Variants in PAXIP1 observed in about 807,000 individuals in gnomAD.
The protein encoded by PAXIP1 is PAX-interacting protein 1.
A neutral mutation model predicts 140.6 loss-of-function variants in PAXIP1; 19 were observed. The observed-to-expected ratio is 0.14, with a 90% CI of 0.09 to 0.20. The LOEUF is 0.20. PAXIP1 is among the 10% of genes least tolerant of loss of function. The probability of loss-of-function intolerance (pLI) is 1.00; values close to 1 mark genes in which losing one functional copy is unlikely to be tolerated. For missense variants in PAXIP1, 920 were observed against 1,208.6 expected (o/e 0.76, Z 3.54); for synonymous variants, 442 against 444.6 (o/e 0.99, Z 0.07).
At chr7:154,970,370 G>A (rs984137625) in intron 6 of PAXIP1, among the ~76,000 whole-genome samples, 3 of 152,144 alleles carry the variant, frequency 2.0e-5, no homozygotes, top group Non-Finnish European at 4.4e-5. Context: ...ACCTGCAAGG[G>A]TAACAGATTT....
intron 20 of PAXIP1, chr7:154,945,608 C>A (rs1453413196): frequency 1.0e-6 from 1 of 961,566 alleles, no homozygotes; most frequent in African/African-American, 1.9e-5. Context: ...AGGCTCCCAC[C>A]CTCACAGAGA....
intron 4 of PAXIP1, among the ~76,000 whole-genome samples, chr7:154,984,573 G>T (rs892850562): frequency 2.0e-5 from 3 of 152,082 alleles, no homozygotes; most frequent in Non-Finnish European, 4.4e-5. Context: ...ATATTAACAA[G>T]AACATGTTAG....
At chr7:154,969,234 T>A in intron 6 of PAXIP1, 108 bp from the exon 7 acceptor site, 1 of 1,169,962 alleles carries the variant, frequency 8.5e-7, no homozygotes, top group Non-Finnish European at 1.1e-6. Context: ...AATATTCAAC[T>A]AAGTAGACAC....
At chr7:154,997,415 G>T (rs1585089906) in intron 2 of PAXIP1, among the ~76,000 whole-genome samples, 1 of 152,196 alleles carries the variant, frequency 6.6e-6, no homozygotes, top group South Asian at 2.1e-4. Flanking sequence ...ACTGCACCAG[G>T]CTGGCAATCT....
chr7:155,002,842 G>A lies in PAXIP1; in HGVS notation c.81+7C>T, dbSNP rs1407279220. ...GGAGGAGGCCGCGGCAGGGGCGGGC[G>A]CGGTACCTGCGGGTCGATGTCGCCC... On this transcript the variant is annotated splice_region_variant and intron_variant, in intron 1 of 20. Transcript: ENST00000404141. 2 of 1,366,924 alleles carry A rather than the reference G, an allele frequency of 1.5e-6. No homozygotes were observed. The highest frequency in any genetic ancestry group is 2.4e-5 in the Admixed American group (1 of 41,684). The allele number at this position is 1,366,924 out of a possible 1,614,324, so 84.7% of individuals were successfully genotyped here. A position where few individuals can be genotyped will look rare whatever the true frequency, so the allele number is the denominator to read the frequency against.
intron 8 of PAXIP1, chr7:154,964,668 A>G (rs541723740): frequency 1.3e-5 from 2 of 152,350 alleles, no homozygotes; most frequent in African/African-American, 2.4e-5. Context: ...TTACATAACC[A>G]TCTACCTCCT....
intron 4 of PAXIP1, among the ~76,000 whole-genome samples, chr7:154,989,444 A>G (rs900608192): frequency 6.6e-6 from 1 of 152,214 alleles, no homozygotes; most frequent in Non-Finnish European, 1.5e-5. Context: ...AGATGACTAA[A>G]TACTTTTTCA....
intron 5 of PAXIP1, among the ~76,000 whole-genome samples, chr7:154,977,832 A>C (rs1406494546): frequency 6.6e-6 from 1 of 152,210 alleles, no homozygotes; most frequent in Non-Finnish European, 1.5e-5. Flanking sequence ...TTTTCACTTA[A>C]TATATTGTGA....
chr7:154,978,762 T>A (rs1809715309), intron 5 of PAXIP1, among the ~76,000 whole-genome samples: 2 of 152,058 alleles, frequency 1.3e-5, no homozygotes, highest in Admixed American at 6.5e-5. Flanking sequence ...AATAGTAAAA[T>A]ATGAAAAAAA....
At position 154,969,090 on chromosome 7, in the gene PAXIP1, C is replaced by A. The variant is rs866326764; in HGVS notation, c.1111G>T (p.Glu371Ter). 6.7e-7 allele frequency: 1 copy of A among 1,489,832 alleles called. No homozygotes were observed. The highest frequency in any genetic ancestry group is 9.0e-7 in the Non-Finnish European group (1 of 1,114,850). 92.3% of individuals were successfully genotyped at this position (1,489,832 alleles called of 1,614,324 possible). A position where few individuals can be genotyped will look rare whatever the true frequency, so the allele number is the denominator to read the frequency against. ...QTLSAPTKNL[E>*]QQVNHSQQGH... ...TGCTGGCTGTGATTCACCTGCTGTTCTAAATTTTTCGTAGGTGCTGAAAGA... is the reference window on the plus strand; with the variant it reads ...TGCTGGCTGTGATTCACCTGCTGTTATAAATTTTTCGTAGGTGCTGAAAGA... Residue 371 changes from glutamate (E) to a stop codon, truncating the protein, a stop_gained, in exon 7 of 21, where the codon GAA (glutamate) becomes TAA (stop). Transcript: ENST00000404141. LOFTEE classifies it high-confidence loss of function.
At chr7:154,985,103 T>C (rs1810011863) in intron 4 of PAXIP1, among the ~76,000 whole-genome samples, 1 of 152,226 alleles carries the variant, frequency 6.6e-6, no homozygotes, top group African/African-American at 2.4e-5. Flanking sequence ...ACCAGCTCAT[T>C]TAATGAATCT....
rs183179893 is a variant in PAXIP1, at chr7:154,960,030, G to A, written c.2435-97C>T. On this transcript the variant is annotated intron_variant, in intron 12 of 20. Coordinates refer to ENST00000404141, the MANE Select transcript of PAXIP1 (RefSeq NM_007349.4). ...TTCCCTGATAATCCTCACCAGACAGGTGGTTTAGCTGACAACACTTAATAA... is the reference window on the plus strand; with the variant it reads ...TTCCCTGATAATCCTCACCAGACAGATGGTTTAGCTGACAACACTTAATAA... 14 of 785,784 alleles carry A rather than the reference G, an allele frequency of 1.8e-5. No homozygotes were observed. In the Middle Eastern group the frequency reaches 7.3e-4, roughly 41 times the overall value. 48.7% of individuals were successfully genotyped at this position (785,784 alleles called of 1,614,324 possible).
At chr7:154,976,655 A>T (rs992947555) in intron 5 of PAXIP1, among the ~76,000 whole-genome samples, 1 of 152,224 alleles carries the variant, frequency 6.6e-6, no homozygotes, top group African/African-American at 2.4e-5. Context: ...TTATGAAATG[A>T]ATAATTGCTA....
In PAXIP1 at chr7:154,946,370, A is replaced by G. The variant is rs1333886985; in HGVS notation, c.3189T>C (p.Tyr1063=). ...TTCTCTTTTGGAAAGGATATGATTCATAGTCCAGCGTTTGAGTGAGCACTC... is the reference window on the plus strand; with the variant it reads ...TTCTCTTTTGGAAAGGATATGATTCGTAGTCCAGCGTTTGAGTGAGCACTC... The part of the protein sequence containing the change: ...LTGVLTQTLD[Y]ESYKFN Residue 1063 remains tyrosine, a synonymous_variant, in exon 20 of 21, where the codon TAT becomes TAC. Coordinates refer to ENST00000404141, the MANE Select transcript of PAXIP1 (RefSeq NM_007349.4). This position sits in a 1 kb window ranked among gnomAD's most constrained non-coding sequence, Gnocchi z 4.9. The G allele has an allele frequency of 1.7e-5, 27 of 1,613,872 alleles. No individual in the cohort carries two copies. In the Admixed American group the frequency reaches 4.3e-4, roughly 26 times the overall value.
intron 12 of PAXIP1, 48 bp downstream of exon 12, chr7:154,960,845 T>C (rs755902813): frequency 7.6e-7 from 1 of 1,316,004 alleles, no homozygotes; most frequent in Non-Finnish European, 1.0e-6. Flanking sequence ...GAAGTAATGC[T>C]AATGATTTTA....
chr7:154,946,891 G>A lies in PAXIP1; in HGVS notation c.2923-78C>T, dbSNP rs1808006694. On this transcript the variant is annotated intron_variant, in intron 17 of 20. Coordinates refer to ENST00000404141, the MANE Select transcript of PAXIP1 (RefSeq NM_007349.4). The surrounding 1 kb of genome is among the most constrained non-coding windows in gnomAD (Gnocchi z 4.9). ...AGAGTACATAATTCTCATAGATTCT[G>A]CCCTGAGATTTTTGACAAAATTTCA... 8.6e-7 allele frequency: 1 copy of A among 1,165,630 alleles called. No homozygotes were observed. The highest frequency in any genetic ancestry group is 1.6e-5 in the South Asian group (1 of 64,398). 72.2% of individuals were successfully genotyped at this position (1,165,630 alleles called of 1,614,324 possible). A position where few individuals can be genotyped will look rare whatever the true frequency, so the allele number is the denominator to read the frequency against.
intron 4 of PAXIP1, among the ~76,000 whole-genome samples, chr7:154,984,545 T>A (rs937483031): frequency 6.6e-6 from 1 of 152,220 alleles, no homozygotes; most frequent in African/African-American, 2.4e-5. Flanking sequence ...TTATTCTGTA[T>A]TACACACTAT....
At chr7:154,978,610 T>C (rs1563380337) in intron 5 of PAXIP1, among the ~76,000 whole-genome samples, 1 of 152,210 alleles carries the variant, frequency 6.6e-6, no homozygotes, top group Non-Finnish European at 1.5e-5. Flanking sequence ...ACCCAAGTTA[T>C]TTTAGGAAAA....
At chr7:154,969,879 A>G (rs1809217559) in intron 6 of PAXIP1, among the ~76,000 whole-genome samples, 1 of 152,228 alleles carries the variant, frequency 6.6e-6, no homozygotes, top group South Asian at 2.1e-4. Flanking sequence ...TGCTTCCTCA[A>G]AAATGACTGA....
Sources: gnomAD v4.1 joint callset for allele counts (sites outside exome capture counted in the v4.1 genomes callset) on GRCh38, gnomAD v4.1.1 for gene constraint, Gnocchi (gnomAD v3.1) non-coding constraint, MANE v1.5 for transcripts, NCBI Gene and HGNC (gene_info 2026-07-23, HGNC 2026-07-21) for gene names.